FABP6: variants seen among roughly 807,000 people sequenced by gnomAD.
FABP6 encodes the protein gastrotropin.
A neutral mutation model predicts 14.9 loss-of-function variants in FABP6; 13 were observed. The observed-to-expected ratio is 0.87, with a 90% CI of 0.57 to 1.39. The LOEUF (loss-of-function observed/expected upper bound fraction) is 1.39, where lower values mean the gene tolerates loss of function less well. Ranked by LOEUF, FABP6 falls within the 40% of genes most tolerant of loss-of-function variation. FABP6 has a pLI of 0.00. For synonymous variants in FABP6, 75 were observed against 63.6 expected (o/e 1.18, Z -0.85); for missense variants, 161 against 167.2 (o/e 0.96, Z 0.20).
At chr5:160,210,432 T>C (rs1759862841) in intron 2 of FABP6, among the ~76,000 whole-genome samples, 1 of 152,196 alleles carries the variant, frequency 6.6e-6, no homozygotes, top group Non-Finnish European at 1.5e-5. Flanking sequence ...ACCTCAAACA[T>C]GAAGGAATCT....
intron 2 of FABP6, among the ~76,000 whole-genome samples, chr5:160,199,655 C>T (rs1255460274): frequency 2.0e-5 from 3 of 152,164 alleles, no homozygotes; most frequent in Non-Finnish European, 4.4e-5. Flanking sequence ...CCTGGCATCT[C>T]CCCCTGCTAT....
intron 2 of FABP6, among the ~76,000 whole-genome samples, chr5:160,211,293 T>C (rs2161331): frequency 0.9 from 136,678 of 151,940 alleles, 61,587 homozygotes; most frequent in Non-Finnish European, 0.92. Context: ...GAGCCTCCAC[T>C]GGCCTCACCC....
At chr5:160,233,888 A>C (rs1760449205) in intron 2 of FABP6, among the ~76,000 whole-genome samples, 1 of 152,054 alleles carries the variant, frequency 6.6e-6, no homozygotes, top group African/African-American at 2.4e-5. Context: ...AGAAAAAAAA[A>C]AAAAGAAGTG....
intron 2 of FABP6, among the ~76,000 whole-genome samples, chr5:160,200,128 A>G (rs1040629712): frequency 6.6e-6 from 1 of 152,228 alleles, no homozygotes; most frequent in Admixed American, 6.5e-5. Context: ...TAGCTGGACG[A>G]CCTTAGACAG....
intron 2 of FABP6, among the ~76,000 whole-genome samples, chr5:160,201,725 G>T (rs1393780828): frequency 1.6e-5 from 2 of 128,366 alleles, no homozygotes; most frequent in African/African-American, 2.7e-5. Flanking sequence ...GTTTTCTCCA[G>T]CCCACAGTGA....
upstream of FABP6, chr5:160,228,794 C>G (rs1760306538): frequency 3.4e-6 from 1 of 292,984 alleles, no homozygotes; most frequent in Non-Finnish European, 6.9e-6. Context: ...TCCAGCTAAA[C>G]TCATTGTTTC....
intron 2 of FABP6, among the ~76,000 whole-genome samples, chr5:160,200,336 C>G (rs1021468978): frequency 5.9e-5 from 9 of 152,150 alleles, no homozygotes; most frequent in African/African-American, 2.2e-4. Context: ...ACTCTCAGGC[C>G]CTAGTTCTTT....
chr5:160,198,192 T>C (rs557817859), intron 1 of FABP6: 3 of 151,814 alleles, frequency 2.0e-5, no homozygotes, highest in Admixed American at 6.6e-5. Context: ...TCTGGCTACA[T>C]AGTCTGGAGT....
intron 3 of FABP6, among the ~76,000 whole-genome samples, chr5:160,214,151 CT>C (rs1759962777): frequency 7.5e-6 from 1 of 133,206 alleles, no homozygotes; most frequent in East Asian, 2.2e-4. Flanking sequence ...TTCTTTCTTT[CT>C]TTCTTTCCTT....
At chr5:160,196,687 C>T (rs1465879479) in intron 1 of FABP6, 1 of 152,344 alleles carries the variant, frequency 6.6e-6, no homozygotes, top group African/African-American at 2.4e-5. Context: ...ATTCTCCTGC[C>T]TCAGCCTCCT....
chr5:160,205,396 G>A lies in FABP6; in HGVS notation c.51+6239G>A, dbSNP rs531102518. On this transcript the variant is annotated intron_variant, in intron 2 of 6. Transcript: ENST00000393980. ...TGCATGTTCATACATGTTCAAAGTCGTGTACACTTATAAACAGACATGCCT... is the reference window on the plus strand; with the variant it reads ...TGCATGTTCATACATGTTCAAAGTCATGTACACTTATAAACAGACATGCCT... Among the ~76,000 whole-genome samples, 9 of 150,816 alleles carry A rather than the reference G, an allele frequency of 6.0e-5. No individual in the cohort carries two copies. The South Asian group carries it at 8.4e-4, about 14-fold the overall frequency.
intron 3 of FABP6, among the ~76,000 whole-genome samples, chr5:160,223,928 C>CATCT (rs1249364576): frequency 5.0e-5 from 5 of 100,006 alleles, no homozygotes; most frequent in Non-Finnish European, 1.1e-4. Flanking sequence ...AGTGAGATCC[C>CATCT]ATCTCTACAA....
At chr5:160,197,972 A>ATGTGTG (rs1759550243) in intron 1 of FABP6, 1 of 89,720 alleles carries the variant, frequency 1.1e-5, no homozygotes, top group Admixed American at 1.1e-4. Flanking sequence ...GTGTGTGTGT[A>ATGTGTG]TGTGTGTGTG....
In FABP6 at chr5:160,229,638, T is replaced by C; in HGVS notation, c.67+14T>C. On this transcript the variant is annotated intron_variant, in intron 1 of 3. Coordinates refer to ENST00000402432, the MANE Select transcript of FABP6 (RefSeq NM_001445.3). ...TGAAGCTCCTTGGTGAGTGAGCTCCTGGGTATCCCTTCCTCGGGGTTGGTT... is the reference window on the plus strand; with the variant it reads ...TGAAGCTCCTTGGTGAGTGAGCTCCCGGGTATCCCTTCCTCGGGGTTGGTT... 6.2e-7 allele frequency: 1 copy of C among 1,613,154 alleles called. No individual in the cohort carries two copies. The highest frequency in any genetic ancestry group is 8.5e-7 in the Non-Finnish European group (1 of 1,179,294).
intron 2 of FABP6, among the ~76,000 whole-genome samples, chr5:160,200,182 C>T (rs1219218538): frequency 6.6e-6 from 1 of 152,196 alleles, no homozygotes; most frequent in Non-Finnish European, 1.5e-5. Context: ...GTGGCAGCCT[C>T]TTAGGATTAT....
intron 1 of FABP6, 92 bp from the exon 2 acceptor site, chr5:160,232,006 A>G (rs1760392589): frequency 5.7e-6 from 8 of 1,415,050 alleles, no homozygotes; most frequent in Non-Finnish European, 6.8e-6. Flanking sequence ...ACAAGGGGGT[A>G]GGGCGGTGGG....
At chr5:160,191,361 G>A (rs535423798) in intron 1 of FABP6, among the ~76,000 whole-genome samples, 5 of 151,782 alleles carry the variant, frequency 3.3e-5, no homozygotes, top group Admixed American at 3.3e-4. Context: ...CAGCTACTCA[G>A]GAGGCTGAGG....
At chr5:160,192,736 C>T (rs770961368) in intron 1 of FABP6, among the ~76,000 whole-genome samples, 6 of 152,226 alleles carry the variant, frequency 3.9e-5, no homozygotes, top group South Asian at 2.1e-4. Flanking sequence ...CCAGGCAAGG[C>T]GCATGCGCCC....
intron 2 of FABP6, among the ~76,000 whole-genome samples, chr5:160,203,617 C>A (rs1477412491): frequency 6.6e-6 from 1 of 152,166 alleles, no homozygotes; most frequent in Admixed American, 6.5e-5. Context: ...TCTGCCTTAG[C>A]CACCCAAGTA....
Sources: allele counts gnomAD v4.1 joint callset (sites outside exome capture counted in the v4.1 genomes callset), GRCh38; gene constraint gnomAD v4.1.1; transcripts MANE v1.5; gene names NCBI Gene and HGNC (gene_info 2026-07-23, HGNC 2026-07-21).